The following KLHL29 variants were observed in gnomAD, a reference collection of about 807,000 sequenced individuals.
The protein encoded by KLHL29 is kelch like family member 29, also known as kelch-like protein 29.
Under a neutral mutation model 80.4 loss-of-function variants are expected in KLHL29, and 21 were observed. The ratio of observed to expected loss-of-function variants is 0.26; its 90% CI spans 0.19 to 0.38. KLHL29 has a LOEUF of 0.38. Ranked by LOEUF, KLHL29 falls within the 10% of genes least tolerant of loss-of-function variation. The pLI is 1.00. For missense variants in KLHL29, 867 were observed against 1,223.9 expected, an observed-to-expected ratio of 0.71 and a Z score of 4.35; for synonymous variants, 511 against 526.8, an observed-to-expected ratio of 0.97 and a Z score of 0.41.
intron 3 of KLHL29, among the ~76,000 whole-genome samples, chr2:23,578,237 T>C (rs532215894): frequency 2.4e-4 from 36 of 152,184 alleles, no homozygotes; most frequent in Middle Eastern, 6.8e-3. Flanking sequence ...TGGGGTACCA[T>C]TGCACACCAG....
intron 5 of KLHL29, among the ~76,000 whole-genome samples, chr2:23,676,083 G>T (rs1036075245): frequency 5.9e-5 from 9 of 152,152 alleles, no homozygotes; most frequent in African/African-American, 2.2e-4. Flanking sequence ...GCAGCCAAGG[G>T]TCTCTACTCC....
intron 1 of KLHL29, among the ~76,000 whole-genome samples, chr2:23,443,305 C>T (rs536432606): frequency 2.6e-5 from 4 of 152,330 alleles, no homozygotes; most frequent in African/African-American, 9.6e-5. Context: ...GGACATTCTC[C>T]TGCTTTGCCA....
At chr2:23,621,195 C>T (rs916935324) in intron 3 of KLHL29, among the ~76,000 whole-genome samples, 2 of 152,262 alleles carry the variant, frequency 1.3e-5, no homozygotes, top group Non-Finnish European at 2.9e-5. Flanking sequence ...GCAGCAGCAG[C>T]AGCTGAGGAA....
intron 1 of KLHL29, among the ~76,000 whole-genome samples, chr2:23,423,599 C>T (rs1662912221): frequency 6.6e-6 from 1 of 152,162 alleles, no homozygotes; most frequent in South Asian, 2.1e-4. Context: ...TACGACTTGG[C>T]GGGTCTGTTG....
At chr2:23,483,194 G>A (rs1664846879) in intron 2 of KLHL29, among the ~76,000 whole-genome samples, 1 of 152,104 alleles carries the variant, frequency 6.6e-6, no homozygotes, top group Non-Finnish European at 1.5e-5. Flanking sequence ...CACACTTGAG[G>A]GGGTGAGAAT....
Position 23,639,200 on chromosome 2 carries a change from G to A in KLHL29, c.347G>A (p.Gly116Glu). The change falls in exon 4 of 14, where the codon GGG (glycine) becomes GAG (glutamate). Residue 116 changes from glycine (G) to glutamate (E), a missense_variant. This residue lies in a region of KLHL29 where 424 missense variants were observed against 456.9 expected (regional missense o/e 0.93). Coordinates refer to ENST00000486442, the MANE Select transcript of KLHL29 (RefSeq NM_052920.2). ...SQGLATSIRWGQTPINQSTPW... is the reference protein window; with the variant it reads ...SQGLATSIRWEQTPINQSTPW... ...GGACTGGCGACCAGCATCCGGTGGG[G>A]GCAGACGCCTATCAATCAGTCCACA... is the stretch of plus-strand genomic sequence containing the variant. 1.9e-6 allele frequency: 3 copies of A among 1,547,678 alleles called. No homozygotes were observed. In the South Asian group the frequency reaches 3.6e-5, roughly 19 times the overall value.
intron 2 of KLHL29, among the ~76,000 whole-genome samples, chr2:23,530,571 G>A (rs1008370789): frequency 2.0e-5 from 3 of 152,090 alleles, no homozygotes; most frequent in Non-Finnish European, 2.9e-5. Context: ...TGCACAACCC[G>A]CGCCTCCTGA....
chr2:23,665,636 C>T (rs1177884966), intron 5 of KLHL29, among the ~76,000 whole-genome samples: 1 of 152,208 alleles, frequency 6.6e-6, no homozygotes, highest in African/African-American at 2.4e-5. Flanking sequence ...ATGGCACCAG[C>T]ATCTGCTTCT....
chr2:23,703,423 C>A, intron 12 of KLHL29, 44 bp downstream of exon 12: 3 of 1,403,996 alleles, frequency 2.1e-6, no homozygotes, highest in Non-Finnish European at 2.8e-6. Flanking sequence ...GGGTCGCATC[C>A]CTGCCTTGCT....
chr2:23,434,984 T>C (rs1572510149), intron 1 of KLHL29, among the ~76,000 whole-genome samples: 1 of 152,180 alleles, frequency 6.6e-6, no homozygotes, highest in South Asian at 2.1e-4. Context: ...GAAACTGATG[T>C]CATTGGCATA....
chr2:23,515,201 A>G (rs1665885800), intron 2 of KLHL29, among the ~76,000 whole-genome samples: 1 of 152,036 alleles, frequency 6.6e-6, no homozygotes, highest in Non-Finnish European at 1.5e-5. Context: ...TCCTTATTCA[A>G]CAGGACCACC....
chr2:23,691,394 C>T lies in KLHL29; in HGVS notation c.1080-280C>T, dbSNP rs529185657. The T allele has an allele frequency of 7.9e-4, 381 of 484,480 alleles. 1 individual carries two copies. The highest frequency in any genetic ancestry group is 4.1e-3 in the Middle Eastern group (7 of 1,710). The allele number at this position is 484,480 out of a possible 1,614,324, so 30.0% of individuals were successfully genotyped here. A position where few individuals can be genotyped will look rare whatever the true frequency, so the allele number is the denominator to read the frequency against. The stretch of plus-strand genomic sequence containing the variant: ...TCCCTTTGAGGCCAGTCCTGGTCCT[C>T]GTCCCCATCCATAGCTCATGCTTTT... On this transcript the variant is annotated intron_variant, in intron 6 of 13. Coordinates refer to ENST00000486442, the MANE Select transcript of KLHL29 (RefSeq NM_052920.2).
rs999453604 is a variant in KLHL29 at position 23,684,330 on chromosome 2, CTTTT to C, written c.941-65_941-62del. The C allele has an allele frequency of 1.3e-5, 16 of 1,205,714 alleles. No homozygotes were observed. The South Asian group carries it at 2.4e-4, about 18-fold the overall frequency. 74.7% of individuals were successfully genotyped at this position (1,205,714 alleles called of 1,614,324 possible). A position where few individuals can be genotyped will look rare whatever the true frequency, so the allele number is the denominator to read the frequency against. On this transcript the variant is annotated intron_variant, in intron 5 of 13. Transcript: ENST00000486442. This position sits in a 1 kb window ranked among gnomAD's most constrained non-coding sequence, Gnocchi z 4.4. ...CTACTTCTTGAAAAAAGAAAAAAAA[CTTTT>C]TTTAATTAAAAAAAAAAAAACTCTT...
chr2:23,409,674 C>T (rs1666815791), intron 1 of KLHL29, among the ~76,000 whole-genome samples: 1 of 152,222 alleles, frequency 6.6e-6, no homozygotes, highest in African/African-American at 2.4e-5. Context: ...CTCTGAGTGC[C>T]TTCTGCGTGC....
intron 1 of KLHL29, among the ~76,000 whole-genome samples, chr2:23,388,215 G>A (rs957922559): frequency 3.9e-5 from 6 of 152,202 alleles, no homozygotes; most frequent in African/African-American, 1.4e-4. Context: ...GCAAGACTGA[G>A]AATTCAGGTT....
intron 1 of KLHL29, among the ~76,000 whole-genome samples, chr2:23,451,610 T>C (rs1558343056): frequency 6.6e-6 from 1 of 152,134 alleles, no homozygotes; most frequent in East Asian, 1.9e-4. Flanking sequence ...AGAAAGTTTT[T>C]CTCCCCAGCT....
At chr2:23,659,506 C>T (rs1165630983) in intron 5 of KLHL29, among the ~76,000 whole-genome samples, 1 of 152,186 alleles carries the variant, frequency 6.6e-6, no homozygotes, top group Admixed American at 6.5e-5. Flanking sequence ...CTTCCATTCT[C>T]AGCGCCGAGT....
intron 2 of KLHL29, among the ~76,000 whole-genome samples, chr2:23,535,781 G>GTGGGCA (rs1181665007): frequency 3.3e-5 from 5 of 152,202 alleles, no homozygotes; most frequent in Admixed American, 3.3e-4. Flanking sequence ...ATTGTTTTTA[G>GTGGGCA]TGGGCAGAGT....
At chr2:23,492,790 A>T (rs1166170713) in intron 2 of KLHL29, among the ~76,000 whole-genome samples, 8 of 152,156 alleles carry the variant, frequency 5.3e-5, no homozygotes, top group Admixed American at 5.2e-4. Flanking sequence ...AGCAAGACAG[A>T]CAGAGCTAGT....
Sources: gnomAD v4.1 joint callset for allele counts (sites outside exome capture counted in the v4.1 genomes callset) on GRCh38, gnomAD v4.1.1 for gene constraint, gnomAD v4.1.1 regional missense constraint, Gnocchi (gnomAD v3.1) non-coding constraint, MANE v1.5 for transcripts, NCBI Gene and HGNC (gene_info 2026-07-23, HGNC 2026-07-21) for gene names.